The following COMMD7 variants were observed in gnomAD, a reference collection of about 807,000 sequenced individuals.
COMMD7 encodes COMM domain containing 7, also known as COMM domain-containing protein 7.
COMMD7 carries 28 observed loss-of-function variants against 34.8 expected under a neutral mutation model. That is an observed-to-expected ratio of 0.80 (90% CI 0.60 to 1.10). The LOEUF (loss-of-function observed/expected upper bound fraction) is 1.10, where lower values mean the gene tolerates loss of function less well. COMMD7 is among the 50% of genes least tolerant of loss of function. The pLI is 0.00. For missense variants in COMMD7, 211 were observed against 241.6 expected, an observed-to-expected ratio of 0.87 and a Z score of 0.84; for synonymous variants, 80 against 86.4, an observed-to-expected ratio of 0.93 and a Z score of 0.41.
intron 1 of COMMD7, among the ~76,000 whole-genome samples, chr20:32,733,800 G>A (rs1163564443): frequency 6.6e-6 from 1 of 151,258 alleles, no homozygotes; most frequent in Non-Finnish European, 1.5e-5. Context: ...CAGGAGAATT[G>A]CTTGAACCTG....
intron 1 of COMMD7, among the ~76,000 whole-genome samples, chr20:32,735,835 A>G (rs1986106859): frequency 6.6e-6 from 1 of 152,094 alleles, no homozygotes; most frequent in Non-Finnish European, 1.5e-5. Context: ...ATCTTTGTAT[A>G]CTGTTTGAAT....
intron 8 of COMMD7, chr20:32,703,705 G>A: frequency 6.9e-7 from 1 of 1,439,682 alleles, no homozygotes; most frequent in Admixed American, 2.8e-5. Context: ...GAGATGAAAG[G>A]GTATCATTCG....
At chr20:32,733,665 C>T (rs1985968177) in intron 1 of COMMD7, among the ~76,000 whole-genome samples, 1 of 149,136 alleles carries the variant, frequency 6.7e-6, no homozygotes, top group East Asian at 2.0e-4. Context: ...TGCAGTGAGC[C>T]GAGATTGCAC....
chr20:32,741,347 A>G (rs1054160678), intron 1 of COMMD7, among the ~76,000 whole-genome samples: 1 of 150,620 alleles, frequency 6.6e-6, no homozygotes, highest in African/African-American at 2.4e-5. Flanking sequence ...CCTCCCAAGT[A>G]GCTGGGACTA....
chr20:32,710,932 A>T (rs1419681559), intron 3 of COMMD7, among the ~76,000 whole-genome samples: 1 of 151,716 alleles, frequency 6.6e-6, no homozygotes, highest in Non-Finnish European at 1.5e-5. Flanking sequence ...AAAAATAAAA[A>T]ATTACTTGGG....
In COMMD7 at chr20:32,703,459, C is replaced by A. The variant is rs771241924; in HGVS notation, c.527-1G>T. The A allele has an allele frequency of 1.2e-6, 2 of 1,612,382 alleles. No homozygotes were observed. Among genetic ancestry groups the A allele is most frequent in the Non-Finnish European group, 1.7e-6 (2 of 1,179,572 alleles). ...CTGTAGAACTGAGGCAAGGTTAATT[C>A]TGGGGAGAGAAAATTCAGCTTCAGA... On this transcript the variant is annotated splice_acceptor_variant, in intron 8 of 8. Coordinates refer to ENST00000278980, the MANE Select transcript of COMMD7 (RefSeq NM_053041.3). LOFTEE classifies it high-confidence loss of function.
intron 1 of COMMD7, among the ~76,000 whole-genome samples, chr20:32,729,490 A>G (rs1600997772): frequency 6.6e-6 from 1 of 151,882 alleles, no homozygotes; most frequent in South Asian, 2.1e-4. Context: ...CCTTATAAGA[A>G]GAGGAAGAGG....
chr20:32,704,049 C>A lies in COMMD7; in HGVS notation c.500G>T (p.Gly167Val), dbSNP rs371047702. ...TATATACACATTTTCGGTTTGATTT[C>A]CTTTCTTAACCACCAACTTTAGCTG... is the stretch of plus-strand genomic sequence containing the variant. ...FLQLKLVVKKGNQTENVYIEL... is the reference protein window; with the variant it reads ...FLQLKLVVKKVNQTENVYIEL... Residue 167 changes from glycine to valine, a missense_variant, in exon 8 of 9, where the codon GGA becomes GTA. Coordinates refer to ENST00000278980, the MANE Select transcript of COMMD7 (RefSeq NM_053041.3). 2.7e-5 allele frequency: 44 copies of A among 1,608,688 alleles called. No homozygotes were observed. The highest frequency in any genetic ancestry group is 3.6e-5 in the Non-Finnish European group (42 of 1,177,194).
intron 3 of COMMD7, among the ~76,000 whole-genome samples, chr20:32,708,719 T>G (rs186680921): frequency 8.0e-6 from 1 of 125,434 alleles, no homozygotes; most frequent in Non-Finnish European, 1.6e-5. Context: ...TGGAGTGCAG[T>G]TGGGCAATCT....
intron 3 of COMMD7, among the ~76,000 whole-genome samples, chr20:32,716,293 A>C (rs1984772134): frequency 1.3e-5 from 2 of 152,170 alleles, no homozygotes; most frequent in South Asian, 4.1e-4. Context: ...GTATTCAGGA[A>C]TAAAGTATGT....
intron 3 of COMMD7, among the ~76,000 whole-genome samples, chr20:32,718,778 G>A (rs1600982591): frequency 1.4e-5 from 2 of 147,818 alleles, no homozygotes; most frequent in African/African-American, 2.5e-5. Flanking sequence ...CTCTCCCCCT[G>A]CCAAAAAAAA....
At chr20:32,739,644 C>CAAAAAAAAAAAA (rs1176056154) in intron 1 of COMMD7, among the ~76,000 whole-genome samples, 6 of 55,998 alleles carry the variant, frequency 1.1e-4, no homozygotes, top group Non-Finnish European at 1.7e-4. Flanking sequence ...GGCTCTGTAT[C>CAAAAAAAAAAAA]AAAAAAAAAA....
chr20:32,720,804 A>G (rs572084847), intron 3 of COMMD7, among the ~76,000 whole-genome samples: 2 of 152,262 alleles, frequency 1.3e-5, no homozygotes, highest in South Asian at 4.1e-4. Flanking sequence ...TAAATACATA[A>G]AAAGAAGGAA....
intron 3 of COMMD7, among the ~76,000 whole-genome samples, chr20:32,712,184 T>G (rs1016605318): frequency 8.9e-5 from 13 of 146,828 alleles, no homozygotes; most frequent in African/African-American, 2.8e-4. Flanking sequence ...ACAGGAGAAT[T>G]GCTTGCACCC....
At chr20:32,729,133 TGCTAGCCCCATAGG>T (rs1215348837) in intron 1 of COMMD7, among the ~76,000 whole-genome samples, 3 of 151,788 alleles carry the variant, frequency 2.0e-5, no homozygotes, top group Non-Finnish European at 2.9e-5. Context: ...AAGAGTGAGA[TGCTAGCCCCATAGG>T]GCTGGGGGCG....
chr20:32,743,245 AC>A, intron 1 of COMMD7, 62 bp downstream of exon 1: 2 of 259,368 alleles, frequency 7.7e-6, no homozygotes, highest in Non-Finnish European at 1.3e-5. Flanking sequence ...CGTCCCCCCC[AC>A]CCCAGGCCCG....
intron 3 of COMMD7, among the ~76,000 whole-genome samples, chr20:32,709,094 T>C (rs1014600482): frequency 1.3e-5 from 2 of 152,234 alleles, no homozygotes; most frequent in African/African-American, 4.8e-5. Flanking sequence ...AAAAGCACGC[T>C]GAGATATACA....
intron 3 of COMMD7, among the ~76,000 whole-genome samples, chr20:32,727,363 A>G (rs899259288): frequency 1.3e-5 from 2 of 151,590 alleles, no homozygotes; most frequent in Non-Finnish European, 2.9e-5. Flanking sequence ...CTTGGCCAAC[A>G]TGGTCTCTAC....
intron 3 of COMMD7, among the ~76,000 whole-genome samples, chr20:32,716,468 A>C (rs1984788424): frequency 6.6e-6 from 1 of 152,232 alleles, no homozygotes; most frequent in East Asian, 1.9e-4. Context: ...ACAAAAAATT[A>C]GCCAGGCGTG....
Sources: gnomAD v4.1 joint callset for allele counts (sites outside exome capture counted in the v4.1 genomes callset) on GRCh38, gnomAD v4.1.1 for gene constraint, MANE v1.5 for transcripts, NCBI Gene and HGNC (gene_info 2026-07-23, HGNC 2026-07-21) for gene names.